Variants in FSTL4 observed in about 807,000 individuals in gnomAD.
FSTL4 encodes follistatin-related protein 4.
Under a neutral mutation model 78.2 loss-of-function variants are expected in FSTL4, and 28 were observed. The ratio of observed to expected loss-of-function variants is 0.36; its 90% confidence interval spans 0.27 to 0.49. The LOEUF (loss-of-function observed/expected upper bound fraction) is 0.49, where lower values mean the gene tolerates loss of function less well. FSTL4 is among the 20% of genes least tolerant of loss of function. The pLI, the probability that FSTL4 is intolerant of heterozygous loss-of-function variation, is 0.98. For missense variants in FSTL4, 922 were observed against 1,084.9 expected, an observed-to-expected ratio of 0.85 and a Z score of 2.11; for synonymous variants, 422 against 440.5, an observed-to-expected ratio of 0.96 and a Z score of 0.53.
At chr5:133,279,645 G>T (rs1752967359) in intron 6 of FSTL4, among the ~76,000 whole-genome samples, 1 of 152,216 alleles carries the variant, frequency 6.6e-6, no homozygotes, top group Admixed American at 6.5e-5. Flanking sequence ...AGGGGCCACA[G>T]GGCTGGTAGG....
chr5:133,340,768 C>T (rs17166604), intron 4 of FSTL4, among the ~76,000 whole-genome samples: 5,308 of 152,118 alleles, frequency 0.035, 199 homozygotes, highest in African/African-American at 0.099. Context: ...TATCACAGAC[C>T]AAGCTAAACT....
the FSTL4 span, among the ~76,000 whole-genome samples, chr5:133,811,420 C>T: frequency 6.6e-6 from 1 of 152,114 alleles, no homozygotes; most frequent in Admixed American, 6.5e-5. Context: ...GTCTAAAATC[C>T]TATCCTGAAC....
intron 12 of FSTL4, among the ~76,000 whole-genome samples, chr5:133,220,019 A>G (rs530977457): frequency 6.6e-6 from 1 of 152,384 alleles, no homozygotes; most frequent in South Asian, 2.1e-4. Flanking sequence ...AGATATACCA[A>G]TAGCTAGCAC....
rs1757129997 is a variant in FSTL4, at chr5:133,440,488, T to C, written c.161-39502A>G. Among the ~76,000 whole-genome samples the C allele has an allele frequency of 6.6e-6, 1 of 152,200 alleles. No homozygotes were observed. The highest frequency in any genetic ancestry group is 2.1e-4 in the South Asian group (1 of 4,834). On this transcript the variant is annotated intron_variant, in intron 3 of 15. Coordinates refer to ENST00000265342, the MANE Select transcript of FSTL4 (RefSeq NM_015082.2). This position sits in a 1 kb window ranked among gnomAD's most constrained non-coding sequence, Gnocchi z 4.1. The stretch of plus-strand genomic sequence containing the variant: ...TGGCCGACCAAGCTGCTTATGGCAA[T>C]GTCAGGCTTGAGCTGAGACTTTAAA...
intron 7 of FSTL4, among the ~76,000 whole-genome samples, chr5:133,242,316 C>T (rs1469369336): frequency 1.3e-5 from 2 of 152,150 alleles, no homozygotes. Context: ...AGGCTCCAAT[C>T]TGTAGTGGCC....
intron 2 of FSTL4, among the ~76,000 whole-genome samples, chr5:133,591,870 G>A (rs1484484095): frequency 6.6e-6 from 1 of 152,072 alleles, no homozygotes; most frequent in Non-Finnish European, 1.5e-5. Context: ...TCCTGCCATT[G>A]GCTTTGGGAG....
chr5:133,702,802 G>A, the FSTL4 span, among the ~76,000 whole-genome samples: 1 of 152,332 alleles, frequency 6.6e-6, no homozygotes, highest in South Asian at 2.1e-4. Flanking sequence ...AGATTCCAGG[G>A]CAGGGCTGTT....
At chr5:133,594,526 T>C (rs1020297559) in intron 2 of FSTL4, among the ~76,000 whole-genome samples, 1 of 152,146 alleles carries the variant, frequency 6.6e-6, no homozygotes, top group Non-Finnish European at 1.5e-5. Context: ...AATGCTAATA[T>C]GAGAACAGCA....
chr5:133,824,805 C>T, the FSTL4 span, among the ~76,000 whole-genome samples: 1 of 152,228 alleles, frequency 6.6e-6, no homozygotes, highest in Admixed American at 6.5e-5. Context: ...GAAACCACCA[C>T]ATACCATGTC....
intron 13 of FSTL4, among the ~76,000 whole-genome samples, chr5:133,212,205 C>T (rs1750755074): frequency 6.6e-6 from 1 of 152,236 alleles, no homozygotes; most frequent in Admixed American, 6.5e-5. Flanking sequence ...CTCCAGCTAT[C>T]CTGTTAAACT....
intron 6 of FSTL4, among the ~76,000 whole-genome samples, chr5:133,287,250 T>C (rs929640597): frequency 2.0e-5 from 3 of 151,858 alleles, no homozygotes; most frequent in African/African-American, 7.3e-5. Context: ...TAGCCAGGTG[T>C]GGTGGCGGGC....
intron 3 of FSTL4, among the ~76,000 whole-genome samples, chr5:133,442,686 G>C (rs148100981): frequency 6.9e-4 from 105 of 152,278 alleles, no homozygotes; most frequent in African/African-American, 2.3e-3. Flanking sequence ...GGCATCTGTG[G>C]TATGACCCCC....
intron 3 of FSTL4, among the ~76,000 whole-genome samples, chr5:133,515,053 A>C (rs1758825707): frequency 6.6e-6 from 1 of 152,238 alleles, no homozygotes; most frequent in African/African-American, 2.4e-5. Context: ...AACATCTGAA[A>C]CTATAATATA....
intron 3 of FSTL4, among the ~76,000 whole-genome samples, chr5:133,441,938 T>C (rs905491728): frequency 6.6e-6 from 1 of 152,240 alleles, no homozygotes; most frequent in African/African-American, 2.4e-5. Flanking sequence ...TGGGTGGCCA[T>C]GCTGCCAATC....
chr5:133,226,461 C>G (rs1751335685), intron 8 of FSTL4, among the ~76,000 whole-genome samples: 1 of 152,154 alleles, frequency 6.6e-6, no homozygotes, highest in Non-Finnish European at 1.5e-5. Context: ...GGCTCCAGCA[C>G]CCTCCACAGA....
At chr5:133,494,141 T>C (rs1260981809) in intron 3 of FSTL4, among the ~76,000 whole-genome samples, 1 of 152,200 alleles carries the variant, frequency 6.6e-6, no homozygotes, top group Non-Finnish European at 1.5e-5. Flanking sequence ...TTTACAGTTA[T>C]GGATACTGAG....
the FSTL4 span, among the ~76,000 whole-genome samples, chr5:133,676,570 T>G: frequency 6.6e-6 from 1 of 152,224 alleles, no homozygotes; most frequent in African/African-American, 2.4e-5. Context: ...TAATAACCAA[T>G]TTGGAGCTTA....
At chr5:133,355,029 T>C (rs1009747128) in intron 4 of FSTL4, among the ~76,000 whole-genome samples, 4 of 152,260 alleles carry the variant, frequency 2.6e-5, no homozygotes, top group African/African-American at 9.6e-5. Context: ...CTGTGGTTGA[T>C]GCTGAACTCC....
intron 3 of FSTL4, among the ~76,000 whole-genome samples, chr5:133,536,421 T>C (rs999619864): frequency 6.6e-6 from 1 of 152,186 alleles, no homozygotes; most frequent in African/African-American, 2.4e-5. Flanking sequence ...AGGTGTAACA[T>C]TGTTTTAAAT....
Sources: allele counts gnomAD v4.1 joint callset (sites outside exome capture counted in the v4.1 genomes callset), GRCh38; gene constraint gnomAD v4.1.1; non-coding constraint Gnocchi (gnomAD v3.1); transcripts MANE v1.5; gene names NCBI Gene and HGNC (gene_info 2026-07-23, HGNC 2026-07-21).